Variants in GRIA4 observed in about 807,000 individuals in gnomAD.
GRIA4 encodes glutamate receptor 4.
In GRIA4, 34 loss-of-function variants were observed where a neutral mutation model predicts 104.0. That is an observed-to-expected ratio of 0.33 (90% CI 0.25 to 0.44). The LOEUF (loss-of-function observed/expected upper bound fraction) is 0.44. Ranked by LOEUF, GRIA4 falls within the 20% of genes least tolerant of loss-of-function variation. The probability of loss-of-function intolerance (pLI) is 1.00; values close to 1 mark genes in which losing one functional copy is unlikely to be tolerated. For missense variants in GRIA4, 750 were observed against 1,096.5 expected (o/e 0.68, Z 4.46); for synonymous variants, 386 against 381.9 (o/e 1.01, Z -0.13).
At chr11:105,678,825 A>G (rs973151838) in intron 3 of GRIA4, among the ~76,000 whole-genome samples, 3 of 152,136 alleles carry the variant, frequency 2.0e-5, no homozygotes, top group African/African-American at 7.2e-5. Flanking sequence ...AATAAAATAA[A>G]GCTAATGTTT....
rs369565867 is a variant in GRIA4, at chr11:105,955,753, C to T, written c.2295-16161C>T. Among the ~76,000 whole-genome samples, 143 of 152,330 alleles carry T rather than the reference C, an allele frequency of 9.4e-4. 2 individuals carry two copies. Among genetic ancestry groups the T allele is most frequent in the African/African-American group, 3.2e-3 (132 of 41,566 alleles). On this transcript the variant is annotated intron_variant, in intron 14 of 16. Coordinates refer to ENST00000282499, the MANE Select transcript of GRIA4 (RefSeq NM_000829.4). ...TCCCACCAACAGTATAAAAGCATTC[C>T]TATTTCTCCACAGCCTTGCCAGCAT...
intron 3 of GRIA4, among the ~76,000 whole-genome samples, chr11:105,693,677 C>A (rs1953168872): frequency 6.6e-6 from 1 of 152,122 alleles, no homozygotes; most frequent in African/African-American, 2.4e-5. Flanking sequence ...ATATTTCTTT[C>A]TTTCCTTCCT....
chr11:105,664,381 A>G (rs1037905169), intron 3 of GRIA4, among the ~76,000 whole-genome samples: 8 of 150,952 alleles, frequency 5.3e-5, no homozygotes, highest in African/African-American at 1.9e-4. Flanking sequence ...TGAGCAAATG[A>G]GAAAAAGGCA....
chr11:105,978,374 A>G (rs1859098825), intron 16 of GRIA4, among the ~76,000 whole-genome samples: 1 of 151,752 alleles, frequency 6.6e-6, no homozygotes, highest in Non-Finnish European at 1.5e-5. Flanking sequence ...AGTTCTGATT[A>G]TGATGATAAG....
intron 10 of GRIA4, among the ~76,000 whole-genome samples, chr11:105,916,705 A>G (rs893573708): frequency 2.0e-5 from 3 of 152,258 alleles, no homozygotes; most frequent in Admixed American, 6.5e-5. Context: ...ACTTGCACAC[A>G]CAAACTAATA....
chr11:105,857,785 C>T (rs1040996938), intron 4 of GRIA4, among the ~76,000 whole-genome samples: 8 of 152,162 alleles, frequency 5.3e-5, no homozygotes, highest in African/African-American at 1.7e-4. Context: ...TTTTTCAGGG[C>T]ATATGGATAA....
At position 105,635,285 on chromosome 11, in the gene GRIA4, T is replaced by G. The variant is rs189826770; in HGVS notation, c.247+22851T>G. On this transcript the variant is annotated intron_variant, in intron 3 of 16. Transcript: ENST00000282499. ...TAAGAGTAAAATAAAATGTCAGTATTTGAATTACAAGCATACTAGGAAACT... is the reference window on the plus strand; with the variant it reads ...TAAGAGTAAAATAAAATGTCAGTATGTGAATTACAAGCATACTAGGAAACT... Among the ~76,000 whole-genome samples, 6 of 152,244 alleles carry G rather than the reference T, an allele frequency of 3.9e-5. No individual in the cohort carries two copies. In the East Asian group the frequency reaches 9.7e-4, roughly 25 times the overall value.
chr11:105,899,377 A>C (rs141056190), intron 7 of GRIA4, among the ~76,000 whole-genome samples: 197 of 152,338 alleles, frequency 1.3e-3, no homozygotes, highest in African/African-American at 4.4e-3. Flanking sequence ...ATACAAGCAA[A>C]TTATTAAATG....
At chr11:105,778,328 A>C (rs1941546111) in intron 4 of GRIA4, among the ~76,000 whole-genome samples, 1 of 152,230 alleles carries the variant, frequency 6.6e-6, no homozygotes, top group South Asian at 2.1e-4. Context: ...GGATCATTGC[A>C]TGCTATGCAC....
chr11:105,642,689 T>C (rs980032476), intron 3 of GRIA4, among the ~76,000 whole-genome samples: 1 of 152,188 alleles, frequency 6.6e-6, no homozygotes, highest in African/African-American at 2.4e-5. Context: ...GTTGGACTCG[T>C]ATTAATACCA....
At chr11:105,978,260 GAAGATAATC>G (rs1330358814) in intron 16 of GRIA4, among the ~76,000 whole-genome samples, 1 of 152,048 alleles carries the variant, frequency 6.6e-6, no homozygotes, top group Non-Finnish European at 1.5e-5. Context: ...CGGACTAATA[GAAGATAATC>G]AAGTAGAAGT....
chr11:105,752,587 G>C (rs772150166), intron 3 of GRIA4, among the ~76,000 whole-genome samples: 1 of 152,014 alleles, frequency 6.6e-6, no homozygotes. Flanking sequence ...AATTTCAAGC[G>C]TATATAATTG....
At chr11:105,877,408 G>A (rs1156841062) in intron 5 of GRIA4, among the ~76,000 whole-genome samples, 1 of 152,148 alleles carries the variant, frequency 6.6e-6, no homozygotes, top group Non-Finnish European at 1.5e-5. Context: ...TTCTCAAGGA[G>A]TATCTTTGTA....
intron 5 of GRIA4, among the ~76,000 whole-genome samples, chr11:105,864,384 C>T (rs515803): frequency 0.099 from 15,022 of 152,168 alleles, 788 homozygotes; most frequent in Non-Finnish European, 0.12. Context: ...TTTCAACATC[C>T]TTTTTCATAA....
intron 4 of GRIA4, among the ~76,000 whole-genome samples, chr11:105,761,020 G>A (rs534618664): frequency 2.7e-4 from 41 of 152,128 alleles, no homozygotes; most frequent in Middle Eastern, 3.4e-3. Flanking sequence ...CAAATATTCC[G>A]CATTTTTATT....
intron 4 of GRIA4, among the ~76,000 whole-genome samples, chr11:105,786,100 G>A (rs564091490): frequency 1.0e-4 from 14 of 138,062 alleles, no homozygotes; most frequent in African/African-American, 3.3e-4. Context: ...AGCCGAGATC[G>A]AGCCACTACA....
At chr11:105,727,243 C>T (rs1044907087) in intron 3 of GRIA4, among the ~76,000 whole-genome samples, 3 of 151,718 alleles carry the variant, frequency 2.0e-5, no homozygotes, top group Non-Finnish European at 2.9e-5. Flanking sequence ...GAAGCATACA[C>T]AGGATCAATA....
intron 3 of GRIA4, among the ~76,000 whole-genome samples, chr11:105,629,248 AAAATAAATAAATAAATAAATAAATAAAT>A (rs56314166): frequency 1.8e-4 from 26 of 147,014 alleles, no homozygotes; most frequent in Non-Finnish European, 2.7e-4. Flanking sequence ...AAATAAACTA[AAAATAAATAAATAAATAAATAAATAAAT>A]AAATAAATAA....
chr11:105,623,582 C>T (rs1950810002), intron 3 of GRIA4, among the ~76,000 whole-genome samples: 1 of 151,976 alleles, frequency 6.6e-6, no homozygotes, highest in Admixed American at 6.6e-5. Flanking sequence ...GCCCTTGTAC[C>T]TGCCATTCCC....
Sources: gnomAD v4.1 joint callset for allele counts (sites outside exome capture counted in the v4.1 genomes callset) on GRCh38, gnomAD v4.1.1 for gene constraint, MANE v1.5 for transcripts, NCBI Gene and HGNC (gene_info 2026-07-23, HGNC 2026-07-21) for gene names.